The following CSMD3 variants were observed in gnomAD, a reference collection of about 807,000 sequenced individuals.
CSMD3 encodes the protein CUB and Sushi multiple domains 3, also known as CUB and sushi domain-containing protein 3.
In CSMD3, 177 loss-of-function variants were observed where a neutral mutation model predicts 435.2. That is an observed-to-expected ratio of 0.41 (90% CI 0.36 to 0.46). CSMD3 has a LOEUF of 0.46. Among genes scored for constraint, CSMD3 ranks in the 20% least tolerant of loss-of-function variants. The probability of loss-of-function intolerance (pLI) is 0.34; values close to 1 mark genes in which losing one functional copy is unlikely to be tolerated. For synonymous variants in CSMD3, 1,656 were observed against 1,520.5 expected (o/e 1.09, Z -2.07); for missense variants, 4,265 against 4,504.6 (o/e 0.95, Z 1.52).
intron 6 of CSMD3, among the ~76,000 whole-genome samples, chr8:113,001,407 C>G (rs908985100): frequency 6.6e-6 from 1 of 152,068 alleles, no homozygotes; most frequent in Non-Finnish European, 1.5e-5. Flanking sequence ...TCTGCAGGGC[C>G]TTTGTTTATT....
rs1158721666 is a variant in CSMD3 at position 112,326,872 on chromosome 8, A to G, written c.7166-6891T>C. On this transcript the variant is annotated intron_variant, in intron 45 of 70. Coordinates refer to ENST00000297405, the MANE Select transcript of CSMD3 (RefSeq NM_198123.2). The stretch of plus-strand genomic sequence containing the variant: ...CCCTGCCTCTACTAAAAATACAAAA[A>G]TTAGACAGGTGTGGCGGTGCATGCC... 3.3e-5 allele frequency among the ~76,000 whole-genome samples: 5 copies of G among 152,012 alleles called. No individual in the cohort carries two copies. In the East Asian group the frequency reaches 9.7e-4, roughly 29 times the overall value.
At chr8:113,430,503 G>C (rs895301856) in intron 1 of CSMD3, among the ~76,000 whole-genome samples, 4 of 152,052 alleles carry the variant, frequency 2.6e-5, no homozygotes, top group African/African-American at 9.7e-5. Flanking sequence ...TTACTGTAGG[G>C]TCGCTCAAAT....
chr8:112,513,401 A>C (rs1273191362), intron 28 of CSMD3, among the ~76,000 whole-genome samples: 1 of 152,212 alleles, frequency 6.6e-6, no homozygotes. Flanking sequence ...CCAAGGAAAG[A>C]GAGAGACATG....
At chr8:112,778,131 C>T (rs2078290809) in intron 13 of CSMD3, among the ~76,000 whole-genome samples, 1 of 151,812 alleles carries the variant, frequency 6.6e-6, no homozygotes, top group Non-Finnish European at 1.5e-5. Flanking sequence ...ACTCCCTGCC[C>T]TCCTTCACGT....
At chr8:112,380,733 A>C (rs1174285100) in intron 37 of CSMD3, among the ~76,000 whole-genome samples, 3 of 152,184 alleles carry the variant, frequency 2.0e-5, no homozygotes, top group Non-Finnish European at 4.4e-5. Context: ...TATACGTTTG[A>C]CATGTTCACC....
At chr8:112,940,530 T>C (rs1057043661) in intron 9 of CSMD3, among the ~76,000 whole-genome samples, 1 of 151,806 alleles carries the variant, frequency 6.6e-6, no homozygotes. Flanking sequence ...AACTTTTTAA[T>C]TTATTTTTCA....
chr8:113,060,769 C>A (rs998243207), intron 5 of CSMD3, among the ~76,000 whole-genome samples: 10 of 152,112 alleles, frequency 6.6e-5, no homozygotes, highest in African/African-American at 2.2e-4. Flanking sequence ...TGTTTCTACA[C>A]AGCACCAGCC....
chr8:112,918,989 A>G (rs2082652207), intron 10 of CSMD3, among the ~76,000 whole-genome samples: 2 of 151,928 alleles, frequency 1.3e-5, no homozygotes, highest in South Asian at 2.1e-4. Flanking sequence ...TTAAAACTTC[A>G]ATTACTATTT....
In CSMD3 at chr8:113,156,952, G is replaced by A. The variant is rs4629913; in HGVS notation, c.709+16770C>T. Among the ~76,000 whole-genome samples the A allele has an allele frequency of 2.0e-5, 3 of 151,518 alleles. No individual in the cohort carries two copies. In the East Asian group the frequency reaches 5.9e-4, roughly 30 times the overall value. On this transcript the variant is annotated intron_variant, in intron 4 of 70. Coordinates refer to ENST00000297405, the MANE Select transcript of CSMD3 (RefSeq NM_198123.2). ...GTCTCAAAAGAGAGAGAGAGAGAGA[G>A]AGAGACAGAGACAGAGAGAGAGAGA... is the stretch of plus-strand genomic sequence containing the variant.
At chr8:112,708,647 C>CTT (rs34676109) in intron 13 of CSMD3, among the ~76,000 whole-genome samples, 67 of 110,516 alleles carry the variant, frequency 6.1e-4, no homozygotes, top group South Asian at 3.8e-3. Context: ...GGTAATGCTT[C>CTT]TTTTTTTTTT....
chr8:112,464,954 C>T (rs1354116101), intron 32 of CSMD3, among the ~76,000 whole-genome samples: 1 of 152,170 alleles, frequency 6.6e-6, no homozygotes, highest in African/African-American at 2.4e-5. Context: ...GTCATGGAAG[C>T]TCTGACCAAA....
At chr8:112,359,267 G>A (rs893236829) in intron 38 of CSMD3, among the ~76,000 whole-genome samples, 1 of 152,132 alleles carries the variant, frequency 6.6e-6, no homozygotes, top group African/African-American at 2.4e-5. Flanking sequence ...TGCTTTATAT[G>A]TATTCCTTCA....
chr8:112,653,445 T>C (rs977179442), intron 18 of CSMD3, among the ~76,000 whole-genome samples: 6 of 152,148 alleles, frequency 3.9e-5, no homozygotes, highest in Non-Finnish European at 8.8e-5. Context: ...TATATGTCTA[T>C]ACGTTTGTTC....
chr8:112,501,147 C>T (rs1821910012), intron 30 of CSMD3, among the ~76,000 whole-genome samples: 1 of 151,662 alleles, frequency 6.6e-6, no homozygotes, highest in Non-Finnish European at 1.5e-5. Flanking sequence ...ACTCACTCTT[C>T]ATGTTTGTCC....
intron 15 of CSMD3, among the ~76,000 whole-genome samples, chr8:112,683,979 G>A (rs1005219202): frequency 6.6e-6 from 1 of 151,580 alleles, no homozygotes. Flanking sequence ...CTAATATAGA[G>A]TACCTGGTAG....
chr8:112,919,833 A>C (rs982454396), intron 10 of CSMD3, among the ~76,000 whole-genome samples: 1 of 151,898 alleles, frequency 6.6e-6, no homozygotes, highest in African/African-American at 2.4e-5. Flanking sequence ...TTCACTTTAT[A>C]AGAAAATATG....
intron 3 of CSMD3, among the ~76,000 whole-genome samples, chr8:113,264,022 TTAAAA>T (rs1473067108): frequency 6.6e-6 from 1 of 151,454 alleles, no homozygotes; most frequent in African/African-American, 2.4e-5. Flanking sequence ...TTTCTGATAC[TTAAAA>T]TGATATAGTA....
chr8:112,549,780 T>C (rs1827514089), intron 27 of CSMD3, among the ~76,000 whole-genome samples: 1 of 152,020 alleles, frequency 6.6e-6, no homozygotes, highest in African/African-American at 2.4e-5. Flanking sequence ...CTACGTCAAT[T>C]AGAAAACCCA....
At chr8:113,435,459 G>T (rs1171076991) in intron 1 of CSMD3, among the ~76,000 whole-genome samples, 1 of 152,098 alleles carries the variant, frequency 6.6e-6, no homozygotes, top group Admixed American at 6.5e-5. Flanking sequence ...TTCCGTGGGG[G>T]GACAGCCAGC....
Sources: allele counts gnomAD v4.1 joint callset (sites outside exome capture counted in the v4.1 genomes callset), GRCh38; gene constraint gnomAD v4.1.1; transcripts MANE v1.5; gene names NCBI Gene and HGNC (gene_info 2026-07-23, HGNC 2026-07-21).